Variants in CFAP54 observed in about 807,000 individuals in gnomAD.
CFAP54 encodes the protein cilia and flagella associated protein 54.
CFAP54 carries 290 observed loss-of-function variants against 370.4 expected under a neutral mutation model. The observed-to-expected ratio is 0.78, with a 90% CI of 0.71 to 0.86. The LOEUF (loss-of-function observed/expected upper bound fraction) is 0.86. CFAP54 is among the 40% of genes least tolerant of loss of function. The pLI, the probability that CFAP54 is intolerant of heterozygous loss-of-function variation, is 0.00. For missense variants in CFAP54, 3,399 were observed against 3,528.7 expected, an observed-to-expected ratio of 0.96 and a Z score of 0.93; for synonymous variants, 1,206 against 1,236.5, an observed-to-expected ratio of 0.98 and a Z score of 0.52.
chr12:96,504,530 T>C (rs1250747012), intron 3 of CFAP54, among the ~76,000 whole-genome samples: 1 of 152,222 alleles, frequency 6.6e-6, no homozygotes, highest in African/African-American at 2.4e-5. Flanking sequence ...AGTACTCTTC[T>C]AAATACATTG....
chr12:96,529,956 T>C (rs552364591), intron 9 of CFAP54, among the ~76,000 whole-genome samples: 12 of 152,358 alleles, frequency 7.9e-5, no homozygotes, highest in African/African-American at 2.9e-4. Context: ...GTTTTATTGT[T>C]TCTTCCTTAA....
At chr12:96,804,038 A>G (rs1478927418) in intron 63 of CFAP54, among the ~76,000 whole-genome samples, 1 of 152,118 alleles carries the variant, frequency 6.6e-6, no homozygotes, top group African/African-American at 2.4e-5. Flanking sequence ...AAGGAGATAA[A>G]TATCTTTAAA....
intron 2 of CFAP54, among the ~76,000 whole-genome samples, chr12:96,503,086 TTCTTTCTTTCTCTCTC>T (rs1955049628): frequency 8.9e-6 from 1 of 112,554 alleles, no homozygotes; most frequent in African/African-American, 3.5e-5. Flanking sequence ...TTCTTTCTCT[TTCTTTCTTTCTCTCTC>T]TCTCCTTCCT....
intron 22 of CFAP54, among the ~76,000 whole-genome samples, chr12:96,586,471 T>C (rs1956076981): frequency 6.6e-6 from 1 of 152,102 alleles, no homozygotes; most frequent in East Asian, 1.9e-4. Flanking sequence ...TAGATTACAA[T>C]ATTAAATAGG....
chr12:96,645,950 C>T (rs1431499608), intron 33 of CFAP54: 1 of 152,144 alleles, frequency 6.6e-6, no homozygotes, highest in Admixed American at 6.5e-5. Context: ...AAAATTAATT[C>T]AAGATGGATT....
At position 96,605,442 on chromosome 12, in the gene CFAP54, G is replaced by A. The variant is rs189834306; in HGVS notation, c.3639+6675G>A. On this transcript the variant is annotated intron_variant, in intron 26 of 67. Transcript: ENST00000524981. ...AAAGGGCTGACTAGGCAGACTCTAAGGACAATTCTGAGATTGGTGTGCAGG... is the reference window on the plus strand; with the variant it reads ...AAAGGGCTGACTAGGCAGACTCTAAAGACAATTCTGAGATTGGTGTGCAGG... Among the ~76,000 whole-genome samples, 572 of 152,262 alleles carry A rather than the reference G, an allele frequency of 3.8e-3. 1 individual carries two copies. The highest frequency in any genetic ancestry group is 6.5e-3 in the Non-Finnish European group (441 of 68,018).
At chr12:96,602,404 A>T (rs1188691800) in intron 26 of CFAP54, among the ~76,000 whole-genome samples, 1 of 152,146 alleles carries the variant, frequency 6.6e-6, no homozygotes, top group Non-Finnish European at 1.5e-5. Context: ...AATAAGTGCG[A>T]TGTGGTGCCA....
chr12:96,718,303 G>A (rs1345646327), intron 48 of CFAP54, 140 bp from the exon 49 acceptor site: 1 of 555,562 alleles, frequency 1.8e-6, no homozygotes, highest in Admixed American at 3.2e-5. Flanking sequence ...AGGTTGCAGT[G>A]AGCTGAGATT....
intron 30 of CFAP54, among the ~76,000 whole-genome samples, chr12:96,629,455 G>A (rs1212245807): frequency 6.7e-6 from 1 of 148,638 alleles, no homozygotes; most frequent in Admixed American, 6.7e-5. Flanking sequence ...GTAGGCGCCT[G>A]CCACCACGCC....
chr12:96,836,651 TG>T (rs1959187079), intron 66 of CFAP54, among the ~76,000 whole-genome samples: 1 of 152,344 alleles, frequency 6.6e-6, no homozygotes, highest in African/African-American at 2.4e-5. Flanking sequence ...AAGCTCCTGT[TG>T]AACATAAATT....
intron 30 of CFAP54, among the ~76,000 whole-genome samples, chr12:96,627,348 T>G (rs919909006): frequency 5.9e-5 from 9 of 152,052 alleles, no homozygotes; most frequent in African/African-American, 2.2e-4. Flanking sequence ...GAAGAGGGAG[T>G]TCCTCAAATA....
chr12:96,830,196 T>C (rs529162216), intron 66 of CFAP54, among the ~76,000 whole-genome samples: 2 of 152,312 alleles, frequency 1.3e-5, no homozygotes, highest in South Asian at 4.1e-4. Context: ...TGTACAAATC[T>C]GAAGCCTTGA....
chr12:96,548,333 T>C (rs750829886), intron 15 of CFAP54, among the ~76,000 whole-genome samples: 3 of 152,124 alleles, frequency 2.0e-5, no homozygotes, highest in African/African-American at 7.2e-5. Context: ...GATATTTGTA[T>C]AAAAGATATT....
intron 3 of CFAP54, among the ~76,000 whole-genome samples, chr12:96,506,689 C>T (rs1485519733): frequency 2.7e-5 from 4 of 150,534 alleles, no homozygotes; most frequent in African/African-American, 4.9e-5. Context: ...CAGGTTCAAA[C>T]GATTCTCCTG....
rs960111746 is a variant in CFAP54, at chr12:96,860,992, A to G, written c.*14+40A>G. On this transcript the variant is annotated intron_variant, in intron 67 of 67. Coordinates refer to ENST00000524981, the MANE Select transcript of CFAP54 (RefSeq NM_001306084.2). ...GATTTAATTGTTGTTGTTTCTCTTC[A>G]TTTGAGCTAAGTTTTTGGAACGGTC... 8.5e-6 allele frequency: 12 copies of G among 1,404,038 alleles called. No individual in the cohort carries two copies. The African/African-American group carries it at 1.5e-4, about 17-fold the overall frequency. 87.0% of individuals were successfully genotyped at this position (1,404,038 alleles called of 1,614,324 possible).
At chr12:96,555,525 G>T (rs1462442806) in intron 17 of CFAP54, among the ~76,000 whole-genome samples, 1 of 149,272 alleles carries the variant, frequency 6.7e-6, no homozygotes, top group East Asian at 1.9e-4. Context: ...AAATGCAAAA[G>T]AATCTATCAG....
intron 5 of CFAP54, among the ~76,000 whole-genome samples, chr12:96,514,883 C>T (rs899547082): frequency 1.3e-5 from 2 of 152,044 alleles, no homozygotes; most frequent in African/African-American, 4.8e-5. Context: ...ACCATGGGAA[C>T]CGATAATATT....
chr12:96,782,723 A>T (rs1958592626), intron 60 of CFAP54, among the ~76,000 whole-genome samples: 1 of 152,178 alleles, frequency 6.6e-6, no homozygotes, highest in Non-Finnish European at 1.5e-5. Context: ...GTGGAATTTG[A>T]CAAAGTGATG....
intron 32 of CFAP54, among the ~76,000 whole-genome samples, chr12:96,643,569 G>A (rs943535882): frequency 1.3e-5 from 2 of 152,150 alleles, no homozygotes. Flanking sequence ...AACTGTGCAA[G>A]TAATTGGACT....
Sources: allele counts gnomAD v4.1 joint callset (sites outside exome capture counted in the v4.1 genomes callset), GRCh38; gene constraint gnomAD v4.1.1; transcripts MANE v1.5; gene names NCBI Gene and HGNC (gene_info 2026-07-23, HGNC 2026-07-21).